The following RARB variants were observed in gnomAD, a reference collection of about 807,000 sequenced individuals.
RARB encodes the protein retinoic acid receptor beta.
Under a neutral mutation model 51.9 loss-of-function variants are expected in RARB, and 17 were observed. The ratio of observed to expected loss-of-function variants is 0.33; its 90% CI spans 0.22 to 0.49. RARB has a LOEUF of 0.49. Among genes scored for constraint, RARB ranks in the 20% least tolerant of loss-of-function variants. The pLI, the probability that RARB is intolerant of heterozygous loss-of-function variation, is 0.99. For synonymous variants in RARB, 215 were observed against 195.4 expected (o/e 1.10, Z -0.84); for missense variants, 369 against 550.8 (o/e 0.67, Z 3.30).
intron 5 of RARB, among the ~76,000 whole-genome samples, chr3:25,382,720 T>C (rs2125480540): frequency 6.6e-6 from 1 of 152,218 alleles, no homozygotes; most frequent in South Asian, 2.1e-4. Context: ...TAGCCGGGTG[T>C]GGCGGTGTGC....
intron 4 of RARB, among the ~76,000 whole-genome samples, chr3:25,146,974 A>G (rs1195578525): frequency 1.3e-5 from 2 of 152,144 alleles, no homozygotes; most frequent in South Asian, 2.1e-4. Flanking sequence ...TTTTAACACT[A>G]TGAATGCCTG....
At chr3:25,384,079 T>C (rs980465082) in intron 5 of RARB, among the ~76,000 whole-genome samples, 1 of 152,214 alleles carries the variant, frequency 6.6e-6, no homozygotes, top group East Asian at 1.9e-4. Flanking sequence ...ATAATTTAAC[T>C]TCTGTCCCCT....
intron 2 of RARB, among the ~76,000 whole-genome samples, chr3:24,938,947 T>C (rs964326995): frequency 5.3e-5 from 8 of 151,692 alleles, no homozygotes; most frequent in African/African-American, 1.7e-4. Flanking sequence ...TTTATCACAT[T>C]TTGTTCATTT....
At chr3:25,495,023 A>G (rs1696952757) in intron 2 of RARB, among the ~76,000 whole-genome samples, 1 of 152,212 alleles carries the variant, frequency 6.6e-6, no homozygotes, top group South Asian at 2.1e-4. Flanking sequence ...AGGTCTTAGT[A>G]TAACTCACTT....
Position 25,014,462 on chromosome 3 carries a change from G to A in RARB, c.-379-45663G>A, listed in dbSNP as rs1697466151. On this transcript the variant is annotated intron_variant, in intron 2 of 11. Coordinates refer to the RARB transcript ENST00000383772. ...GTAAAAACAAAGATTTCAGGGAGGA[G>A]AGATGGGTTTTCTCAAATGACTGGC... Among the ~76,000 whole-genome samples, 3 of 152,240 alleles carry A rather than the reference G, an allele frequency of 2.0e-5. No homozygotes were observed. In the South Asian group the frequency reaches 6.2e-4, roughly 32 times the overall value.
chr3:25,143,235 G>A (rs552619812), intron 4 of RARB, among the ~76,000 whole-genome samples: 9 of 152,296 alleles, frequency 5.9e-5, no homozygotes, highest in Admixed American at 1.3e-4. Context: ...CTGGTAACAC[G>A]TTGAGGCAAA....
intron 4 of RARB, among the ~76,000 whole-genome samples, chr3:25,163,507 A>ATATATATATATATATAT (rs1243789421): frequency 1.4e-4 from 2 of 14,266 alleles, no homozygotes; most frequent in African/African-American, 4.1e-4. Flanking sequence ...ATCTCAAAAT[A>ATATATATATATATATAT]TATATATATA....
chr3:25,110,267 T>C (rs1326145120), intron 3 of RARB, among the ~76,000 whole-genome samples: 2 of 152,198 alleles, frequency 1.3e-5, no homozygotes, highest in African/African-American at 4.8e-5. Flanking sequence ...TTTTGCTGTT[T>C]CCAATAATAA....
chr3:25,315,873 C>G (rs539937371), intron 5 of RARB, among the ~76,000 whole-genome samples: 1 of 152,252 alleles, frequency 6.6e-6, no homozygotes, highest in Admixed American at 6.5e-5. Context: ...CCCGCCTCAG[C>G]CTCCCAAAGT....
chr3:25,317,543 G>A (rs1039057139), intron 5 of RARB, among the ~76,000 whole-genome samples: 7 of 152,024 alleles, frequency 4.6e-5, no homozygotes, highest in Non-Finnish European at 8.8e-5. Flanking sequence ...AGCTATCTAG[G>A]AGTGTCAATA....
chr3:25,026,984 A>T (rs1697763034), intron 2 of RARB, among the ~76,000 whole-genome samples: 1 of 88,666 alleles, frequency 1.1e-5, no homozygotes, highest in South Asian at 3.7e-4. Context: ...AGTTTATAGA[A>T]TTTAATTTTT....
At chr3:25,158,729 AAATAC>A (rs1473916930) in intron 4 of RARB, among the ~76,000 whole-genome samples, 1 of 152,224 alleles carries the variant, frequency 6.6e-6, no homozygotes, top group Non-Finnish European at 1.5e-5. Context: ...TTCAGCAACT[AAATAC>A]AATAAAGATT....
intron 5 of RARB, among the ~76,000 whole-genome samples, chr3:25,180,285 T>C (rs1264630832): frequency 1.3e-5 from 2 of 152,210 alleles, no homozygotes; most frequent in East Asian, 3.8e-4. Flanking sequence ...GTATTAGAAT[T>C]CCTTTCGATA....
chr3:24,852,227 C>A (rs188767398), intron 1 of RARB, among the ~76,000 whole-genome samples: 5 of 152,086 alleles, frequency 3.3e-5, no homozygotes, highest in Non-Finnish European at 5.9e-5. Context: ...ATTTGCGGGA[C>A]GAATCTGAAA....
rs112597840 is a variant in RARB at position 25,086,929 on chromosome 3, C to G, written c.-328+26753C>G. ...TTATCAGACTTAGAAAGGTGCCAGA[C>G]TCCTTACTTAATTCTCTCCTGGATA... On this transcript the variant is annotated intron_variant, in intron 3 of 11. Transcript: ENST00000383772. Among the ~76,000 whole-genome samples the G allele has an allele frequency of 6.3e-3, 959 of 152,250 alleles. 6 individuals are homozygous for G. Among genetic ancestry groups the G allele is most frequent in the African/African-American group, 0.022 (898 of 41,556 alleles).
intron 5 of RARB, among the ~76,000 whole-genome samples, chr3:25,249,144 A>G (rs1702641938): frequency 2.0e-5 from 3 of 151,976 alleles, no homozygotes; most frequent in South Asian, 2.1e-4. Flanking sequence ...CTTTTTTAAA[A>G]TTTTTATCTG....
chr3:25,472,918 A>G (rs766279256), intron 2 of RARB, among the ~76,000 whole-genome samples: 2 of 152,210 alleles, frequency 1.3e-5, no homozygotes, highest in Non-Finnish European at 2.9e-5. Context: ...GGAGACTGAC[A>G]TATGTCTCTC....
chr3:25,153,142 G>A lies in RARB; in HGVS notation c.-280+20934G>A, dbSNP rs971825270. Among the ~76,000 whole-genome samples the A allele has an allele frequency of 1.2e-4, 18 of 151,950 alleles. No individual in the cohort carries two copies. The South Asian group carries it at 3.7e-3, about 32-fold the overall frequency. ...ACCAAGTAATAGAGGCAGAGTGTGT[G>A]TGTGTGTGTGTGTGTGTGCATGCGT... On this transcript the variant is annotated intron_variant, in intron 4 of 11. Transcript: ENST00000383772.
chr3:24,843,209 G>T (rs1385760184), intron 1 of RARB, among the ~76,000 whole-genome samples: 1 of 152,172 alleles, frequency 6.6e-6, no homozygotes, highest in African/African-American at 2.4e-5. Flanking sequence ...TTCACTGACT[G>T]TCAAGGGGCT....
Sources: gnomAD v4.1 joint callset for allele counts (sites outside exome capture counted in the v4.1 genomes callset) on GRCh38, gnomAD v4.1.1 for gene constraint, MANE v1.5 for transcripts, NCBI Gene and HGNC (gene_info 2026-07-23, HGNC 2026-07-21) for gene names.